The following PDE9A variants were observed in gnomAD, a reference collection of about 807,000 sequenced individuals.
PDE9A encodes high affinity cGMP-specific 3',5'-cyclic phosphodiesterase 9A.
PDE9A carries 60 observed loss-of-function variants against 87.4 expected under a neutral mutation model. That is an observed-to-expected ratio of 0.69 (90% CI 0.56 to 0.85). The LOEUF (loss-of-function observed/expected upper bound fraction) is 0.85, where lower values mean the gene tolerates loss of function less well. Ranked by LOEUF, PDE9A falls within the 40% of genes least tolerant of loss-of-function variation. The pLI, the probability that PDE9A is intolerant of heterozygous loss-of-function variation, is 0.00. For synonymous variants in PDE9A, 272 were observed against 279.4 expected (o/e 0.97, Z 0.27); for missense variants, 665 against 779.0 (o/e 0.85, Z 1.74).
intron 4 of PDE9A, among the ~76,000 whole-genome samples, chr21:42,724,201 T>C (rs1244271268): frequency 6.6e-6 from 1 of 151,828 alleles, no homozygotes; most frequent in East Asian, 1.9e-4. Context: ...ACCCCAAGGA[T>C]GATGACACCC....
chr21:42,677,908 G>T (rs1569132919), intron 1 of PDE9A, among the ~76,000 whole-genome samples: 1 of 152,170 alleles, frequency 6.6e-6, no homozygotes, highest in Non-Finnish European at 1.5e-5. Flanking sequence ...CTCCCAAAGA[G>T]CTAGGATCAC....
chr21:42,661,754 CTT>C (rs1461614600), intron 1 of PDE9A, among the ~76,000 whole-genome samples: 4 of 152,282 alleles, frequency 2.6e-5, no homozygotes, highest in East Asian at 3.9e-4. Context: ...TTCTGAAAAA[CTT>C]TGTGAGTTCC....
At chr21:42,758,693 G>A (rs899912703) in intron 10 of PDE9A, 2 of 343,580 alleles carry the variant, frequency 5.8e-6, no homozygotes, top group African/African-American at 2.1e-5. Context: ...TCACCCGGTC[G>A]CTGTCCTAAG....
intron 15 of PDE9A, among the ~76,000 whole-genome samples, chr21:42,767,502 G>A (rs2056522032): frequency 6.6e-6 from 1 of 152,220 alleles, no homozygotes; most frequent in Non-Finnish European, 1.5e-5. Flanking sequence ...AGGTTGGAAG[G>A]CAGGATCCAC....
chr21:42,699,993 A>G (rs2300959), intron 4 of PDE9A, among the ~76,000 whole-genome samples: 31,186 of 152,106 alleles, frequency 0.21, 3,585 homozygotes, highest in East Asian at 0.37. Flanking sequence ...CAAAATCAAG[A>G]CATTTGCACC....
At chr21:42,708,422 G>A (rs950260549) in intron 4 of PDE9A, among the ~76,000 whole-genome samples, 1 of 152,160 alleles carries the variant, frequency 6.6e-6, no homozygotes, top group Non-Finnish European at 1.5e-5. Context: ...GACTGCAAAC[G>A]TTAGGACTGC....
chr21:42,768,097 C>T, intron 15 of PDE9A, 91 bp from the exon 16 acceptor site: 1 of 801,788 alleles, frequency 1.2e-6, no homozygotes, highest in Middle Eastern at 2.3e-4. Flanking sequence ...TCCGTCTCTT[C>T]CTGCCTGTAA....
intron 1 of PDE9A, among the ~76,000 whole-genome samples, chr21:42,678,195 G>A (rs926535241): frequency 2.6e-5 from 4 of 152,258 alleles, no homozygotes; most frequent in African/African-American, 4.8e-5. Context: ...CCCTGGGGGC[G>A]TGAGGGGTTT....
At chr21:42,713,380 C>T (rs2049524895) in intron 4 of PDE9A, among the ~76,000 whole-genome samples, 1 of 152,258 alleles carries the variant, frequency 6.6e-6, no homozygotes, top group Non-Finnish European at 1.5e-5. Flanking sequence ...GTGATCCACC[C>T]GCCTCAGCCT....
rs1336679566 is a variant in PDE9A, at chr21:42,692,181, G to T, written c.218+4187G>T. 1.3e-5 allele frequency among the ~76,000 whole-genome samples: 2 copies of T among 152,210 alleles called. No homozygotes were observed. Among genetic ancestry groups the T allele is most frequent in the African/African-American group, 4.8e-5 (2 of 41,458 alleles). ...GGCGGGGCATGCTGGGTGCAGGATG[G>T]AATGAGTTGGGGACGGAGTGAACCA... is the stretch of plus-strand genomic sequence containing the variant. On this transcript the variant is annotated intron_variant, in intron 3 of 19. Transcript: ENST00000291539. The surrounding 1 kb of genome is among the most constrained non-coding windows in gnomAD (Gnocchi z 4.3).
At chr21:42,683,802 A>T (rs542532415) in intron 1 of PDE9A, among the ~76,000 whole-genome samples, 1 of 152,274 alleles carries the variant, frequency 6.6e-6, no homozygotes, top group East Asian at 1.9e-4. Context: ...GTCTTGCCAG[A>T]TGTGTCTGGA....
chr21:42,747,010 T>C (rs1489948939), intron 8 of PDE9A, among the ~76,000 whole-genome samples: 1 of 152,126 alleles, frequency 6.6e-6, no homozygotes, highest in Non-Finnish European at 1.5e-5. Context: ...AGGGTAAAAA[T>C]TCTCAAGCGT....
In PDE9A at chr21:42,766,068, GC is replaced by G. The variant is rs572957346; in HGVS notation, c.1356+576del. Among the ~76,000 whole-genome samples the G allele has an allele frequency of 3.5e-3, 526 of 152,352 alleles. 2 individuals carry two copies. Among genetic ancestry groups the G allele is most frequent in the Non-Finnish European group, 5.7e-3 (385 of 68,030 alleles). ...ACACAAGGACCAGAGCACGACTCAT[GC>G]CTGGAATCCAGCACTTTGGGAGGCC... is the stretch of plus-strand genomic sequence containing the variant. On this transcript the variant is annotated intron_variant, in intron 15 of 19. Transcript: ENST00000291539.
chr21:42,747,877 C>T (rs978601203), intron 8 of PDE9A, among the ~76,000 whole-genome samples: 1 of 152,230 alleles, frequency 6.6e-6, no homozygotes, highest in Non-Finnish European at 1.5e-5. Context: ...ATGGGGACCC[C>T]AGGAAATGAA....
intron 2 of PDE9A, among the ~76,000 whole-genome samples, chr21:42,687,341 C>A (rs1477726099): frequency 6.6e-6 from 1 of 152,156 alleles, no homozygotes; most frequent in African/African-American, 2.4e-5. Context: ...AATATATATA[C>A]ACAGTATTCC....
chr21:42,672,842 G>A (rs777788658), intron 1 of PDE9A, among the ~76,000 whole-genome samples: 23 of 152,352 alleles, frequency 1.5e-4, no homozygotes, highest in Non-Finnish European at 2.2e-4. Context: ...CCGTAGGTCA[G>A]TGAGAGCAAT....
At position 42,739,039 on chromosome 21, in the gene PDE9A, C is replaced by T. The variant is rs2052798380; in HGVS notation, c.569-4737C>T. Among the ~76,000 whole-genome samples the T allele has an allele frequency of 6.6e-6, 1 of 152,206 alleles. No individual in the cohort carries two copies. On this transcript the variant is annotated intron_variant, in intron 7 of 19. Coordinates refer to ENST00000291539, the MANE Select transcript of PDE9A (RefSeq NM_002606.3). The surrounding 1 kb of genome is among the most constrained non-coding windows in gnomAD (Gnocchi z 4.1). ...CCGGGGTTTCCAGATAATACTAGCC[C>T]CACACACAGGCATGTCCTAGGGTCC... is the stretch of plus-strand genomic sequence containing the variant.
intron 10 of PDE9A, among the ~76,000 whole-genome samples, chr21:42,754,376 C>G (rs1005174840): frequency 3.9e-5 from 6 of 152,212 alleles, no homozygotes; most frequent in African/African-American, 1.4e-4. Context: ...CCTGCAGACC[C>G]TCATGCACGC....
intron 17 of PDE9A, among the ~76,000 whole-genome samples, chr21:42,769,491 CA>C (rs2056754579): frequency 2.0e-4 from 2 of 10,002 alleles, no homozygotes; most frequent in Admixed American, 6.4e-4. Context: ...CACATGCACA[CA>C]AGGCACGCAG....
Sources: allele counts gnomAD v4.1 joint callset (sites outside exome capture counted in the v4.1 genomes callset), GRCh38; gene constraint gnomAD v4.1.1; non-coding constraint Gnocchi (gnomAD v3.1); transcripts MANE v1.5; gene names NCBI Gene and HGNC (gene_info 2026-07-23, HGNC 2026-07-21).